Variants in VPS13D observed in about 807,000 individuals in gnomAD.
The protein encoded by VPS13D is intermembrane lipid transfer protein VPS13D.
In VPS13D, 187 loss-of-function variants were observed where a neutral mutation model predicts 461.9. That is an observed-to-expected ratio of 0.40 (90% CI 0.36 to 0.46). The LOEUF is 0.46. VPS13D is among the 20% of genes least tolerant of loss of function. The probability of loss-of-function intolerance (pLI) is 0.60; values close to 1 mark genes in which losing one functional copy is unlikely to be tolerated. For missense variants in VPS13D, 4,711 were observed against 5,364.9 expected (o/e 0.88, Z 3.81); for synonymous variants, 1,951 against 1,986.3 (o/e 0.98, Z 0.47).
Position 12,323,744 on chromosome 1 carries a change from A to G in VPS13D, c.7954A>G (p.Met2652Val), listed in dbSNP as rs1412846399. The G allele has an allele frequency of 6.2e-7, 1 of 1,614,104 alleles. No individual in the cohort carries two copies. Among genetic ancestry groups the G allele is most frequent in the South Asian group, 1.1e-5 (1 of 91,092 alleles). The change falls in exon 35 of 70, where the codon ATG becomes GTG. Residue 2652 changes from methionine (M) to valine (V), a missense_variant. Physicochemically the swap from Met to Val is conservative, Grantham distance 21 (BLOSUM62 1). This residue lies in a region of VPS13D where 4,411 missense variants were observed against 4,937.8 expected (regional missense o/e 0.89). Transcript: ENST00000620676. ...LARLQELGFS[M>V]DDCRKALLAC... ...TAGGCTGCAGGAGCTGGGATTCAGC[A>G]TGGATGATTGTCGCAAAGCTCTTTT...
Position 12,244,355 on chromosome 1 carries a change from G to A in VPS13D, c.285G>A (p.Gln95=). ...TAATTGGAGCCCCAGAGAAAATACA[G>A]GATTTCAATGATGAAAAGGAGAAGC... The part of the protein sequence containing the change: ...LHLIGAPEKI[Q]DFNDEKEKLL... The change falls in exon 4 of 70, where the codon CAG becomes CAA. Residue 95 remains glutamine, a synonymous_variant. Transcript: ENST00000620676. 1 of 1,614,126 alleles carries A rather than the reference G, an allele frequency of 6.2e-7. No individual in the cohort carries two copies. The highest frequency in any genetic ancestry group is 1.1e-5 in the South Asian group (1 of 91,076).
At chr1:12,410,702 T>C (rs979337600) in intron 63 of VPS13D, among the ~76,000 whole-genome samples, 1 of 152,152 alleles carries the variant, frequency 6.6e-6, no homozygotes, top group Non-Finnish European at 1.5e-5. Context: ...CAGCACTTTT[T>C]CATGAATATA....
chr1:12,261,824 C>T, intron 12 of VPS13D, 77 bp from the exon 13 acceptor site: 5 of 1,251,036 alleles, frequency 4.0e-6, no homozygotes, highest in Non-Finnish European at 5.6e-6. Context: ...ATCATCATAA[C>T]TGTGATCAGT....
intron 38 of VPS13D, among the ~76,000 whole-genome samples, chr1:12,333,953 C>G (rs964931314): frequency 1.3e-5 from 2 of 152,176 alleles, no homozygotes; most frequent in African/African-American, 4.8e-5. Context: ...TATAATCATA[C>G]AATCAAGTAG....
rs1303724967 is a variant in VPS13D, at chr1:12,308,417, T to G, written c.6440-14T>G. 1 of 1,613,922 alleles carries G rather than the reference T, an allele frequency of 6.2e-7. No individual in the cohort carries two copies. Among genetic ancestry groups the G allele is most frequent in the East Asian group, 2.2e-5 (1 of 44,898 alleles). ...CCTTTTCTTCATTACCTCTCTTTCC[T>G]TGGGTCCTTGTAGAAGACCATGTCT... On this transcript the variant is annotated splice_polypyrimidine_tract_variant and intron_variant, in intron 26 of 69. Transcript: ENST00000620676.
intron 24 of VPS13D, among the ~76,000 whole-genome samples, chr1:12,293,987 G>A (rs527263365): frequency 2.0e-5 from 3 of 152,352 alleles, no homozygotes; most frequent in African/African-American, 7.2e-5. Flanking sequence ...TAGGACTTCA[G>A]TGGGGATGTT....
chr1:12,389,772 C>T (rs977412939), intron 60 of VPS13D, among the ~76,000 whole-genome samples: 3 of 152,176 alleles, frequency 2.0e-5, no homozygotes, highest in Non-Finnish European at 4.4e-5. Context: ...TGGAGTGACC[C>T]AAACCTTCCT....
chr1:12,280,577 C>T (rs1055495520), intron 20 of VPS13D, among the ~76,000 whole-genome samples: 4 of 151,300 alleles, frequency 2.6e-5, no homozygotes, highest in Non-Finnish European at 5.9e-5. Flanking sequence ...GCAACCTCTG[C>T]CTCCCAGATT....
chr1:12,393,985 A>G (rs576882012), intron 60 of VPS13D, among the ~76,000 whole-genome samples: 6 of 152,302 alleles, frequency 3.9e-5, no homozygotes, highest in South Asian at 2.1e-4. Context: ...CCTGAAATCA[A>G]CGTCAGCTCA....
At position 12,464,056 on chromosome 1, in the gene VPS13D, G is replaced by C. The variant is rs1645447637; in HGVS notation, c.12662+3660G>C. Among the ~76,000 whole-genome samples, 3 of 152,326 alleles carry C rather than the reference G, an allele frequency of 2.0e-5. No individual in the cohort carries two copies. In the South Asian group the frequency reaches 6.2e-4, roughly 32 times the overall value. On this transcript the variant is annotated intron_variant, in intron 67 of 69. Transcript: ENST00000620676. ...CAGGTGGAGAAATGTTTCAGTGCCA[G>C]TTTGTTCTGATGACACTGTATCTCT...
intron 31 of VPS13D, 49 bp downstream of exon 31, chr1:12,318,386 C>A (rs1642945600): frequency 1.3e-6 from 2 of 1,570,916 alleles, no homozygotes; most frequent in Non-Finnish European, 1.7e-6. Context: ...GGATGTTAGG[C>A]TCAATATCTG....
At chr1:12,322,894 A>G in intron 34 of VPS13D, 148 bp downstream of exon 34, 1 of 696,592 alleles carries the variant, frequency 1.4e-6, no homozygotes, top group Non-Finnish European at 2.3e-6. Flanking sequence ...TGACTCTCTC[A>G]TTTTTTAAAA....
rs1399532075 is a variant in VPS13D at position 12,368,596 on chromosome 1, C to T, written c.10572+5C>T. 1.9e-6 allele frequency: 3 copies of T among 1,610,672 alleles called. No homozygotes were observed. In the African/African-American group the frequency reaches 4.0e-5, roughly 22 times the overall value. Reference sequence around the variant, plus strand: ...CGAATTGACAACTTTTCTAAGGTATCAAGTGGAGCTGAGAGCCAGTTTGAC... The same window carrying T: ...CGAATTGACAACTTTTCTAAGGTATTAAGTGGAGCTGAGAGCCAGTTTGAC... On this transcript the variant is annotated splice_donor_5th_base_variant and intron_variant, in intron 53 of 69. Transcript: ENST00000620676.
chr1:12,404,080 T>G (rs1186569325), intron 63 of VPS13D, 107 bp downstream of exon 63: 18 of 993,758 alleles, frequency 1.8e-5, no homozygotes, highest in Non-Finnish European at 2.2e-5. Flanking sequence ...CTTTTTTTTT[T>G]GTCCCTCATC....
chr1:12,497,653 C>T lies in VPS13D; in HGVS notation c.12794+22C>T, dbSNP rs1645978599. ...AATTGTAAGTTAGAGCATGGGAAAC[C>T]AGCCCTGTGGGTCTACTGAGTTGCC... On this transcript the variant is annotated intron_variant, in intron 68 of 69. Coordinates refer to ENST00000620676, the MANE Select transcript of VPS13D (RefSeq NM_015378.4). 5 of 1,606,034 alleles carry T rather than the reference C, an allele frequency of 3.1e-6. No individual in the cohort carries two copies. The East Asian group carries it at 1.1e-4, about 36-fold the overall frequency.
At chr1:12,460,767 C>G (rs995194360) in intron 67 of VPS13D, among the ~76,000 whole-genome samples, 1 of 152,084 alleles carries the variant, frequency 6.6e-6, no homozygotes, top group Non-Finnish European at 1.5e-5. Flanking sequence ...CCAACTGGAT[C>G]CCCACATGCC....
intron 23 of VPS13D, among the ~76,000 whole-genome samples, chr1:12,293,175 T>C (rs1252416385): frequency 6.6e-6 from 1 of 152,210 alleles, no homozygotes; most frequent in East Asian, 1.9e-4. Context: ...ATTCATGGAC[T>C]TATTTTTATT....
At chr1:12,269,113 G>C (rs1014972161) in intron 16 of VPS13D, among the ~76,000 whole-genome samples, 1 of 152,034 alleles carries the variant, frequency 6.6e-6, no homozygotes, top group Non-Finnish European at 1.5e-5. Context: ...TCCATTTAGC[G>C]TGTATTTTTT....
chr1:12,386,597 A>G (rs773803555), intron 60 of VPS13D, among the ~76,000 whole-genome samples: 6 of 152,220 alleles, frequency 3.9e-5, no homozygotes, highest in Non-Finnish European at 8.8e-5. Context: ...TCTTGCCAAT[A>G]GAAAAACCAA....
Sources: gnomAD v4.1 joint callset for allele counts (sites outside exome capture counted in the v4.1 genomes callset) on GRCh38, gnomAD v4.1.1 for gene constraint, gnomAD v4.1.1 regional missense constraint, MANE v1.5 for transcripts, NCBI Gene and HGNC (gene_info 2026-07-23, HGNC 2026-07-21) for gene names.